Variants in SLC24A2 observed in about 807,000 individuals in gnomAD.
SLC24A2 encodes the protein sodium/potassium/calcium exchanger 2.
SLC24A2 carries 36 observed loss-of-function variants against 62.0 expected under a neutral mutation model. The ratio of observed to expected loss-of-function variants is 0.58; its 90% CI spans 0.44 to 0.77. The LOEUF (loss-of-function observed/expected upper bound fraction) is 0.77, where lower values mean the gene tolerates loss of function less well. Ranked by LOEUF, SLC24A2 falls within the 30% of genes least tolerant of loss-of-function variation. The pLI, the probability that SLC24A2 is intolerant of heterozygous loss-of-function variation, is 0.00. For missense variants in SLC24A2, 846 were observed against 817.9 expected, an observed-to-expected ratio of 1.03 and a Z score of -0.42; for synonymous variants, 358 against 294.0, an observed-to-expected ratio of 1.22 and a Z score of -2.23.
At chr9:20,086,674 A>C in the SLC24A2 span, among the ~76,000 whole-genome samples, 1 of 152,116 alleles carries the variant, frequency 6.6e-6, no homozygotes, top group Middle Eastern at 3.2e-3. Context: ...CTAGGTCACT[A>C]ACCTTTGCTC....
intron 4 of SLC24A2, among the ~76,000 whole-genome samples, chr9:19,617,926 G>T (rs933664272): frequency 1.4e-4 from 21 of 152,244 alleles, no homozygotes; most frequent in African/African-American, 4.8e-4. Context: ...CTGCAGGAAT[G>T]CAGGAATGCA....
chr9:20,221,691 C>CA, the SLC24A2 span, among the ~76,000 whole-genome samples: 2 of 151,860 alleles, frequency 1.3e-5, no homozygotes, highest in Non-Finnish European at 2.9e-5. Flanking sequence ...GGCAGAACAT[C>CA]AAAGAAAATG....
intron 2 of SLC24A2, among the ~76,000 whole-genome samples, chr9:19,709,005 A>G (rs1223638262): frequency 1.3e-5 from 2 of 152,122 alleles, no homozygotes; most frequent in African/African-American, 4.8e-5. Context: ...CAACCTACTC[A>G]TCTGACAAAG....
At chr9:19,990,604 C>T in the SLC24A2 span, among the ~76,000 whole-genome samples, 2 of 124,328 alleles carry the variant, frequency 1.6e-5, no homozygotes, top group African/African-American at 3.3e-5. Context: ...AGCAAGACTC[C>T]ACCTAAAAAA....
chr9:20,118,475 A>T, the SLC24A2 span, among the ~76,000 whole-genome samples: 12 of 152,266 alleles, frequency 7.9e-5, 1 homozygote, highest in South Asian at 1.7e-3. Flanking sequence ...AGAGATAACC[A>T]ACAAGTTTTG....
At chr9:20,132,411 G>A in the SLC24A2 span, among the ~76,000 whole-genome samples, 2 of 152,046 alleles carry the variant, frequency 1.3e-5, no homozygotes, top group Non-Finnish European at 2.9e-5. Flanking sequence ...AAAACCTTTA[G>A]GTTATTTTGA....
the SLC24A2 span, among the ~76,000 whole-genome samples, chr9:20,032,135 A>C: frequency 1.3e-5 from 2 of 152,152 alleles, no homozygotes; most frequent in Non-Finnish European, 2.9e-5. Context: ...CAGGTTCTTC[A>C]GTTTTTGTTA....
At chr9:19,644,748 A>G (rs1460829107) in intron 2 of SLC24A2, among the ~76,000 whole-genome samples, 1 of 152,154 alleles carries the variant, frequency 6.6e-6, no homozygotes, top group Non-Finnish European at 1.5e-5. Context: ...TAAAAACATG[A>G]CATTTTTCAT....
intron 4 of SLC24A2, among the ~76,000 whole-genome samples, chr9:19,605,525 G>T (rs7855382): frequency 0.53 from 81,078 of 151,966 alleles, 22,018 homozygotes; most frequent in East Asian, 0.82. Context: ...ATAGAAAATC[G>T]GTTCCCATGT....
chr9:19,633,410 A>C (rs902269504), intron 2 of SLC24A2, among the ~76,000 whole-genome samples: 9 of 152,234 alleles, frequency 5.9e-5, no homozygotes, highest in African/African-American at 2.2e-4. Flanking sequence ...TTACATTCTT[A>C]CCAGCAATGT....
At chr9:19,807,477 C>A in the SLC24A2 span, among the ~76,000 whole-genome samples, 1 of 152,020 alleles carries the variant, frequency 6.6e-6, no homozygotes, top group Admixed American at 6.6e-5. Context: ...TTAGAAAGAA[C>A]AAATGAGAAA....
At chr9:19,930,758 A>G in the SLC24A2 span, among the ~76,000 whole-genome samples, 2 of 152,200 alleles carry the variant, frequency 1.3e-5, no homozygotes, top group African/African-American at 2.4e-5. Context: ...ATGAAGTCCA[A>G]CTTTCTCATT....
intron 6 of SLC24A2, among the ~76,000 whole-genome samples, chr9:19,573,804 C>G (rs1186138678): frequency 6.6e-6 from 1 of 152,098 alleles, no homozygotes; most frequent in Non-Finnish European, 1.5e-5. Flanking sequence ...CATGATATGC[C>G]TTTCTTGAGC....
At chr9:19,618,927 TG>T (rs1250953017) in intron 4 of SLC24A2, among the ~76,000 whole-genome samples, 1 of 152,224 alleles carries the variant, frequency 6.6e-6, no homozygotes, top group Non-Finnish European at 1.5e-5. Flanking sequence ...ACAATGTATT[TG>T]GCCTCATTGT....
chr9:19,540,382 C>A (rs1474170876), intron 8 of SLC24A2, among the ~76,000 whole-genome samples: 1 of 145,922 alleles, frequency 6.9e-6, no homozygotes, highest in Non-Finnish European at 1.5e-5. Flanking sequence ...CCTTCAGGAG[C>A]TCTTTTAGGG....
chr9:20,159,820 T>C, the SLC24A2 span, among the ~76,000 whole-genome samples: 1 of 151,576 alleles, frequency 6.6e-6, no homozygotes, highest in African/African-American at 2.4e-5. Flanking sequence ...TGGTATTTTG[T>C]ATTTGATAAA....
the SLC24A2 span, among the ~76,000 whole-genome samples, chr9:20,265,082 T>C: frequency 6.6e-6 from 1 of 152,270 alleles, no homozygotes; most frequent in Non-Finnish European, 1.5e-5. Context: ...TCCTGCTAAA[T>C]GGCTCTGCTC....
At chr9:20,164,293 A>G in the SLC24A2 span, among the ~76,000 whole-genome samples, 3 of 152,058 alleles carry the variant, frequency 2.0e-5, no homozygotes, top group East Asian at 1.9e-4. Context: ...CAAGAAAAAA[A>G]CAAACAACCC....
chr9:19,985,583 G>T, the SLC24A2 span, among the ~76,000 whole-genome samples: 3 of 152,076 alleles, frequency 2.0e-5, no homozygotes, highest in Non-Finnish European at 2.9e-5. Context: ...GGTCAGAGAG[G>T]TTACTGACTA....
Sources: allele counts gnomAD v4.1 joint callset (sites outside exome capture counted in the v4.1 genomes callset), GRCh38; gene constraint gnomAD v4.1.1; transcripts MANE v1.5; gene names NCBI Gene and HGNC (gene_info 2026-07-23, HGNC 2026-07-21).